The following ZSCAN2 variants were observed in gnomAD, a reference collection of about 807,000 sequenced individuals.
ZSCAN2 encodes the protein zinc finger and SCAN domain-containing protein 2.
ZSCAN2 carries 26 observed loss-of-function variants against 47.8 expected under a neutral mutation model. The observed-to-expected ratio is 0.54, with a 90% CI of 0.40 to 0.75. The LOEUF (loss-of-function observed/expected upper bound fraction) is 0.75. ZSCAN2 is among the 30% of genes least tolerant of loss of function. The probability of loss-of-function intolerance (pLI) is 0.00; values close to 1 mark genes in which losing one functional copy is unlikely to be tolerated. For missense variants in ZSCAN2, 732 were observed against 785.4 expected (o/e 0.93, Z 0.81); for synonymous variants, 305 against 288.7 (o/e 1.06, Z -0.57).
Position 84,621,369 on chromosome 15 carries a change from T to G in ZSCAN2, c.1174T>G (p.Cys392Gly). Reference protein sequence around the residue: ...RIHTGEKPYKCTDCGQRFSQS... With the variant: ...RIHTGEKPYKGTDCGQRFSQS... Reference sequence around the variant, plus strand: ...CCACACAGGAGAGAAACCCTACAAATGTACCGACTGTGGGCAGAGGTTCAG... The same window carrying G: ...CCACACAGGAGAGAAACCCTACAAAGGTACCGACTGTGGGCAGAGGTTCAG... The change falls in exon 3 of 3, where the codon TGT (cysteine) becomes GGT (glycine). Residue 392 changes from cysteine to glycine, a missense_variant. Around this residue, in one of 2 missense-constraint regions of ZSCAN2, gnomAD observed 412 missense variants for 498.0 expected, o/e 0.83. Transcript: ENST00000546148. This position sits in a 1 kb window ranked among gnomAD's most constrained non-coding sequence, Gnocchi z 5.7. 6.2e-7 allele frequency: 1 copy of G among 1,613,918 alleles called. No homozygotes were observed. The highest frequency in any genetic ancestry group is 8.5e-7 in the Non-Finnish European group (1 of 1,179,978).
chr15:84,601,063 A>AGGGGCCGGGCC lies in ZSCAN2; in HGVS notation c.-179_-169dup, dbSNP rs1895184457. On this transcript the variant is annotated 5_prime_UTR_variant, in exon 1 of 3. Transcript: ENST00000546148. The stretch of plus-strand genomic sequence containing the variant: ...CGGGCTTGAGCCGGGGTGAATCTGG[A>AGGGGCCGGGCC]GGGGCCGGGCCGAGCCCGGGGGCGC... The AGGGGCCGGGCC allele has an allele frequency of 1.3e-5, 2 of 152,232 alleles. No homozygotes were observed. 9.4% of individuals were successfully genotyped at this position (152,232 alleles called of 1,614,324 possible). A position where few individuals can be genotyped will look rare whatever the true frequency, so the allele number is the denominator to read the frequency against.
intron 2 of ZSCAN2, among the ~76,000 whole-genome samples, chr15:84,619,232 C>A (rs1596037173): frequency 3.3e-5 from 5 of 152,076 alleles, no homozygotes; most frequent in Admixed American, 2.0e-4. Context: ...GAGATCGAGA[C>A]CATCCTGGCT....
intron 2 of ZSCAN2, among the ~76,000 whole-genome samples, chr15:84,605,541 A>C (rs1211888628): frequency 6.6e-6 from 1 of 152,232 alleles, no homozygotes; most frequent in African/African-American, 2.4e-5. Context: ...GAGAGCTGGC[A>C]GATTGGAGTG....
rs145436434 is a variant in ZSCAN2, at chr15:84,621,595, T to G, written c.1400T>G (p.Met467Arg). The change falls in exon 3 of 3, where the codon ATG becomes AGG. Residue 467 changes from methionine to arginine, a missense_variant. This residue lies in a region of ZSCAN2 where 412 missense variants were observed against 498.0 expected (regional missense o/e 0.83). Coordinates refer to ENST00000546148, the MANE Select transcript of ZSCAN2 (RefSeq NM_181877.4). This position sits in a 1 kb window ranked among gnomAD's most constrained non-coding sequence, Gnocchi z 5.7. ...TCCAGTCTGATTGCACACCAGGGCA[T>G]GCACACAGGGGAGAAACCCTACGAG... ...QSSSLIAHQG[M>R]HTGEKPYECL... 10 of 1,613,576 alleles carry G rather than the reference T, an allele frequency of 6.2e-6. No individual in the cohort carries two copies. The highest frequency in any genetic ancestry group is 7.6e-6 in the Non-Finnish European group (9 of 1,179,908).
intron 2 of ZSCAN2, chr15:84,616,347 C>G: frequency 6.3e-7 from 1 of 1,597,834 alleles, no homozygotes; most frequent in South Asian, 1.1e-5. Context: ...TGTGTGATTC[C>G]AGTTGCAGCC....
Position 84,621,617 on chromosome 15 carries a change from C to A in ZSCAN2, c.1422C>A (p.Tyr474Ter). ...HQGMHTGEKP[Y>*]ECLTCGESFS... ...GCATGCACACAGGGGAGAAACCCTA[C>A]GAGTGCCTGACATGTGGGGAGAGCT... The change falls in exon 3 of 3, where the codon TAC becomes TAA. Residue 474 changes from tyrosine (Y) to a stop codon, truncating the protein, a stop_gained. Transcript: ENST00000546148. LOFTEE classifies it high-confidence loss of function. The surrounding 1 kb of genome is among the most constrained non-coding windows in gnomAD (Gnocchi z 5.7). The A allele has an allele frequency of 6.2e-7, 1 of 1,614,056 alleles. No homozygotes were observed. Among genetic ancestry groups the A allele is most frequent in the East Asian group, 2.2e-5 (1 of 44,884 alleles).
At chr15:84,617,069 C>T (rs1368366080) in intron 2 of ZSCAN2, among the ~76,000 whole-genome samples, 3 of 151,902 alleles carry the variant, frequency 2.0e-5, no homozygotes, top group African/African-American at 4.8e-5. Context: ...TTGCGGGGAG[C>T]CAGGATCGCG....
chr15:84,622,052 G>T lies in ZSCAN2; in HGVS notation c.*12G>T. Reference sequence around the variant, plus strand: ...AGAAACTTTATTGAAGTGGCAAAGAGTGAAAGTGAGGGACTGGCCTGGAGT... The same window carrying T: ...AGAAACTTTATTGAAGTGGCAAAGATTGAAAGTGAGGGACTGGCCTGGAGT... On this transcript the variant is annotated 3_prime_UTR_variant, in exon 3 of 3. Coordinates refer to ENST00000546148, the MANE Select transcript of ZSCAN2 (RefSeq NM_181877.4). 3 of 1,582,256 alleles carry T rather than the reference G, an allele frequency of 1.9e-6. No individual in the cohort carries two copies. Among genetic ancestry groups the T allele is most frequent in the Non-Finnish European group, 2.6e-6 (3 of 1,162,500 alleles).
rs1895312951 is a variant in ZSCAN2 at position 84,604,413 on chromosome 15, G to C, written c.406+80G>C. ...AGTGTGGTGTTTCGGAGGAGGAGAA[G>C]GTGGTGTCCAAGGCAGAGTGGGGGG... is the stretch of plus-strand genomic sequence containing the variant. On this transcript the variant is annotated intron_variant, in intron 2 of 2. Coordinates refer to ENST00000546148, the MANE Select transcript of ZSCAN2 (RefSeq NM_181877.4). 4.6e-6 allele frequency: 7 copies of C among 1,512,118 alleles called. No individual in the cohort carries two copies. In the South Asian group the frequency reaches 5.2e-5, roughly 11 times the overall value. The allele number at this position is 1,512,118 out of a possible 1,614,324, so 93.7% of individuals were successfully genotyped here. A position where few individuals can be genotyped will look rare whatever the true frequency, so the allele number is the denominator to read the frequency against.
intron 2 of ZSCAN2, among the ~76,000 whole-genome samples, chr15:84,610,981 TGAA>T (rs1469916039): frequency 1.3e-5 from 2 of 152,242 alleles, no homozygotes; most frequent in East Asian, 1.9e-4. Context: ...AATTTAGAAA[TGAA>T]GAACTAAAAA....
chr15:84,603,293 G>A (rs1596024719), intron 1 of ZSCAN2, among the ~76,000 whole-genome samples: 3 of 152,052 alleles, frequency 2.0e-5, no homozygotes, highest in African/African-American at 4.8e-5. Flanking sequence ...GGTTTTTCCC[G>A]GGGACTTTGC....
Position 84,621,400 on chromosome 15 carries a change from G to A in ZSCAN2, c.1205G>A (p.Ser402Asn). The change falls in exon 3 of 3, where the codon AGT (serine) becomes AAT (asparagine). Residue 402 changes from serine to asparagine, a missense_variant. Transcript: ENST00000546148. The surrounding 1 kb of genome is among the most constrained non-coding windows in gnomAD (Gnocchi z 5.7). The stretch of plus-strand genomic sequence containing the variant: ...GACTGTGGGCAGAGGTTCAGCCAGA[G>A]TTCAGCCCTCATCACCCACCGGAGA... The part of the protein sequence containing the change: ...CTDCGQRFSQ[S>N]SALITHRRTH... 1.9e-6 allele frequency: 3 copies of A among 1,613,770 alleles called. No homozygotes were observed. Among genetic ancestry groups the A allele is most frequent in the Non-Finnish European group, 2.5e-6 (3 of 1,179,890 alleles).
At chr15:84,602,589 T>TC (rs1207589833) in intron 1 of ZSCAN2, among the ~76,000 whole-genome samples, 2 of 87,478 alleles carry the variant, frequency 2.3e-5, no homozygotes, top group African/African-American at 6.3e-5. Context: ...TTTCTTTTCT[T>TC]TTTTTTTTTT....
At chr15:84,608,530 CAA>C (rs1181525313) in intron 2 of ZSCAN2, among the ~76,000 whole-genome samples, 51 of 92,634 alleles carry the variant, frequency 5.5e-4, no homozygotes, top group Non-Finnish European at 7.3e-4. Flanking sequence ...GACTCTGTCT[CAA>C]AAAAAAAAAA....
intron 2 of ZSCAN2, among the ~76,000 whole-genome samples, chr15:84,604,737 TC>T (rs1431647088): frequency 3.8e-5 from 5 of 130,156 alleles, no homozygotes; most frequent in Non-Finnish European, 7.9e-5. Flanking sequence ...TTTTCTTTTT[TC>T]TTTTTTTTTT....
Position 84,620,873 on chromosome 15 carries a change from G to T in ZSCAN2, c.678G>T (p.Gln226His), listed in dbSNP as rs1310875067. ...GGGAGAAGCCCTACGAATGTCCCCAGTGTGGGAAGACCTTCAGCCGGAAAT... is the reference window on the plus strand; with the variant it reads ...GGGAGAAGCCCTACGAATGTCCCCATTGTGGGAAGACCTTCAGCCGGAAAT... ...YLGEKPYECP[Q>H]CGKTFSRKSH... Residue 226 changes from glutamine to histidine, a missense_variant, in exon 3 of 3, where the codon CAG (glutamine) becomes CAT (histidine). Gln to His is a conservative substitution (Grantham distance 24). Around this residue, in one of 2 missense-constraint regions of ZSCAN2, gnomAD observed 320 missense variants for 287.4 expected, o/e 1.11. Transcript: ENST00000546148. The T allele has an allele frequency of 5.0e-6, 8 of 1,614,000 alleles. No individual in the cohort carries two copies. The African/African-American group carries it at 6.7e-5, about 13-fold the overall frequency.
intron 2 of ZSCAN2, chr15:84,616,410 C>T: frequency 6.3e-7 from 1 of 1,593,714 alleles, no homozygotes; most frequent in Non-Finnish European, 8.5e-7. Context: ...TACCCCAGTT[C>T]CCAAACACAG....
intron 2 of ZSCAN2, among the ~76,000 whole-genome samples, chr15:84,615,974 C>T (rs1895682257): frequency 6.6e-6 from 1 of 152,196 alleles, no homozygotes; most frequent in African/African-American, 2.4e-5. Flanking sequence ...GGGCTCCAGC[C>T]TATAATCCCA....
chr15:84,603,296 G>A (rs1895267240), intron 1 of ZSCAN2, among the ~76,000 whole-genome samples: 1 of 152,018 alleles, frequency 6.6e-6, no homozygotes, highest in East Asian at 1.9e-4. Flanking sequence ...TTTTCCCGGG[G>A]ACTTTGCATT....
Sources: gnomAD v4.1 joint callset for allele counts (sites outside exome capture counted in the v4.1 genomes callset) on GRCh38, gnomAD v4.1.1 for gene constraint, gnomAD v4.1.1 regional missense constraint, Gnocchi (gnomAD v3.1) non-coding constraint, MANE v1.5 for transcripts, NCBI Gene and HGNC (gene_info 2026-07-23, HGNC 2026-07-21) for gene names.